The following DSCAM variants were observed in gnomAD, a reference collection of about 807,000 sequenced individuals.
The protein encoded by DSCAM is DS cell adhesion molecule, also known as cell adhesion molecule DSCAM.
In DSCAM, 47 loss-of-function variants were observed where a neutral mutation model predicts 217.7. That is an observed-to-expected ratio of 0.22 (90% CI 0.17 to 0.28). The LOEUF (loss-of-function observed/expected upper bound fraction) is 0.28, where lower values mean the gene tolerates loss of function less well. DSCAM is among the 10% of genes least tolerant of loss of function. DSCAM has a pLI of 1.00. For missense variants in DSCAM, 2,080 were observed against 2,618.3 expected (o/e 0.79, Z 4.49); for synonymous variants, 1,056 against 1,015.3 (o/e 1.04, Z -0.76).
At chr21:40,337,006 C>A (rs537969432) in intron 8 of DSCAM, among the ~76,000 whole-genome samples, 1 of 152,260 alleles carries the variant, frequency 6.6e-6, no homozygotes, top group South Asian at 2.1e-4. Flanking sequence ...TAATTATGTG[C>A]AGGCATATCT....
At chr21:40,280,448 C>T (rs2073745716) in intron 10 of DSCAM, among the ~76,000 whole-genome samples, 1 of 152,014 alleles carries the variant, frequency 6.6e-6, no homozygotes, top group Non-Finnish European at 1.5e-5. Context: ...CTTAGCCTCC[C>T]AAAGTGTTGG....
chr21:40,687,228 G>A (rs1038785147), intron 3 of DSCAM, among the ~76,000 whole-genome samples: 1 of 152,132 alleles, frequency 6.6e-6, no homozygotes, highest in Non-Finnish European at 1.5e-5. Flanking sequence ...GAATGTTAAA[G>A]AAATGCTTCT....
At chr21:40,460,268 C>A (rs893439971) in intron 3 of DSCAM, among the ~76,000 whole-genome samples, 1 of 151,778 alleles carries the variant, frequency 6.6e-6, no homozygotes, top group Non-Finnish European at 1.5e-5. Flanking sequence ...TGCACAGGTA[C>A]CCCAGAACTT....
intron 1 of DSCAM, among the ~76,000 whole-genome samples, chr21:40,786,285 AGG>A (rs2091593768): frequency 6.8e-6 from 1 of 147,572 alleles, no homozygotes; most frequent in Non-Finnish European, 1.5e-5. Flanking sequence ...AAAGAAAAAA[AGG>A]AAGGAAGGAA....
chr21:40,129,807 C>T (rs2090136490), intron 19 of DSCAM, among the ~76,000 whole-genome samples: 1 of 152,192 alleles, frequency 6.6e-6, no homozygotes, highest in African/African-American at 2.4e-5. Flanking sequence ...GAGGTGTGGT[C>T]ACATAGTCAC....
chr21:40,724,773 CAT>C (rs1343536908), intron 1 of DSCAM, among the ~76,000 whole-genome samples: 1 of 152,160 alleles, frequency 6.6e-6, no homozygotes, highest in South Asian at 2.1e-4. Context: ...GACAAAAAGA[CAT>C]AAATTCTTCT....
chr21:40,724,328 A>C (rs1196940377), intron 1 of DSCAM, among the ~76,000 whole-genome samples: 1 of 152,234 alleles, frequency 6.6e-6, no homozygotes, highest in Non-Finnish European at 1.5e-5. Context: ...TCGGAAGCAT[A>C]AAAACTGGGG....
chr21:40,298,651 A>G (rs955247580), intron 9 of DSCAM, among the ~76,000 whole-genome samples: 5 of 152,082 alleles, frequency 3.3e-5, no homozygotes, highest in African/African-American at 1.2e-4. Context: ...TCAACTCAAG[A>G]GCAGGTGACA....
chr21:40,248,991 A>G (rs887271263), intron 11 of DSCAM, among the ~76,000 whole-genome samples: 4 of 152,170 alleles, frequency 2.6e-5, no homozygotes, highest in African/African-American at 9.7e-5. Context: ...AGACTTATTC[A>G]CCATCACACG....
chr21:40,720,633 T>A (rs2090891260), intron 1 of DSCAM, among the ~76,000 whole-genome samples: 1 of 151,094 alleles, frequency 6.6e-6, no homozygotes, highest in East Asian at 1.9e-4. Context: ...AAACAAGAAC[T>A]GGATTTACTC....
At position 40,834,465 on chromosome 21, in the gene DSCAM, T is replaced by C. The variant is rs2053758032; in HGVS notation, c.43+12154A>G. Among the ~76,000 whole-genome samples the C allele has an allele frequency of 2.0e-5, 3 of 146,424 alleles. No individual in the cohort carries two copies. In the Admixed American group the frequency reaches 2.1e-4, roughly 10 times the overall value. On this transcript the variant is annotated intron_variant, in intron 1 of 32. Transcript: ENST00000400454. ...ATAATAATAATAATAATAATAATAA[T>C]AATAGTTGCCCAGTTCCATGGATTT...
In DSCAM at chr21:40,295,911, C is replaced by T. The variant is rs1304492448; in HGVS notation, c.2182+144G>A. The T allele has an allele frequency of 4.9e-6, 5 of 1,026,300 alleles. No homozygotes were observed. In the East Asian group the frequency reaches 1.1e-4, roughly 22 times the overall value. The allele number at this position is 1,026,300 out of a possible 1,614,324, so 63.6% of individuals were successfully genotyped here. ...CACCTAGGTGGACAACTAGGAATGT[C>T]TATGAGAGAATGATAGGCTTGGTGG... On this transcript the variant is annotated intron_variant, in intron 10 of 32. Transcript: ENST00000400454.
intron 8 of DSCAM, among the ~76,000 whole-genome samples, chr21:40,322,479 A>G (rs1038577442): frequency 6.6e-6 from 1 of 152,096 alleles, no homozygotes; most frequent in South Asian, 2.1e-4. Flanking sequence ...CTCATTTCTA[A>G]TTTGAAATAT....
chr21:40,400,670 G>C (rs1430055091), intron 3 of DSCAM, among the ~76,000 whole-genome samples: 1 of 152,156 alleles, frequency 6.6e-6, no homozygotes, highest in Non-Finnish European at 1.5e-5. Context: ...TTCTGCCTTG[G>C]CCTCCCAAAG....
intron 3 of DSCAM, among the ~76,000 whole-genome samples, chr21:40,453,129 A>G (rs2075735424): frequency 6.6e-6 from 1 of 151,860 alleles, no homozygotes; most frequent in African/African-American, 2.4e-5. Context: ...ATGCAAACAC[A>G]CATAAGTAAT....
At chr21:40,138,210 A>G (rs892619660) in intron 18 of DSCAM, among the ~76,000 whole-genome samples, 3 of 151,628 alleles carry the variant, frequency 2.0e-5, no homozygotes, top group African/African-American at 7.3e-5. Flanking sequence ...GGTAGTAACA[A>G]TATTTGCCCC....
intron 3 of DSCAM, among the ~76,000 whole-genome samples, chr21:40,615,873 C>T (rs550309223): frequency 4.8e-4 from 73 of 152,074 alleles, no homozygotes; most frequent in African/African-American, 1.6e-3. Flanking sequence ...CATTAAAGGC[C>T]ACGGGCAGAT....
At chr21:40,703,536 A>T (rs1409751671) in intron 2 of DSCAM, among the ~76,000 whole-genome samples, 1 of 152,012 alleles carries the variant, frequency 6.6e-6, no homozygotes, top group Non-Finnish European at 1.5e-5. Flanking sequence ...ACACATATAC[A>T]CACATCCACA....
intron 1 of DSCAM, among the ~76,000 whole-genome samples, chr21:40,727,731 G>C (rs2090971223): frequency 6.6e-6 from 1 of 152,148 alleles, no homozygotes; most frequent in Non-Finnish European, 1.5e-5. Flanking sequence ...ATCAGTGAGA[G>C]TGATCCAGTT....
Sources: allele counts gnomAD v4.1 joint callset (sites outside exome capture counted in the v4.1 genomes callset), GRCh38; gene constraint gnomAD v4.1.1; transcripts MANE v1.5; gene names NCBI Gene and HGNC (gene_info 2026-07-23, HGNC 2026-07-21).